The following PAPPA2 variants were observed in gnomAD, a reference collection of about 807,000 sequenced individuals.
The protein encoded by PAPPA2 is pappalysin 2, also known as pappalysin-2.
In PAPPA2, 86 loss-of-function variants were observed where a neutral mutation model predicts 176.4. The ratio of observed to expected loss-of-function variants is 0.49; its 90% confidence interval spans 0.41 to 0.58. The LOEUF (loss-of-function observed/expected upper bound fraction) is 0.58. Ranked by LOEUF, PAPPA2 falls within the 20% of genes least tolerant of loss-of-function variation. The pLI is 0.00. For missense variants in PAPPA2, 2,073 were observed against 2,256.9 expected, an observed-to-expected ratio of 0.92 and a Z score of 1.65; for synonymous variants, 809 against 852.2, an observed-to-expected ratio of 0.95 and a Z score of 0.88.
At chr1:176,787,500 T>G (rs1462523317) in intron 17 of PAPPA2, among the ~76,000 whole-genome samples, 1 of 152,122 alleles carries the variant, frequency 6.6e-6, no homozygotes, top group East Asian at 1.9e-4. Context: ...CTTCTCAAAG[T>G]GCTGGGATTA....
chr1:176,578,409 A>T (rs568993807), intron 2 of PAPPA2, among the ~76,000 whole-genome samples: 18 of 152,280 alleles, frequency 1.2e-4, no homozygotes, highest in African/African-American at 4.1e-4. Flanking sequence ...TTGCAAGGTT[A>T]CTAGGGTTCC....
At chr1:176,620,276 A>AT (rs199660598) in intron 3 of PAPPA2, among the ~76,000 whole-genome samples, 25 of 150,586 alleles carry the variant, frequency 1.7e-4, no homozygotes, top group African/African-American at 5.1e-4. Flanking sequence ...CAATATATAC[A>AT]TTTTTTTTTC....
chr1:176,539,917 A>G (rs1391931510), intron 1 of PAPPA2, among the ~76,000 whole-genome samples: 1 of 152,232 alleles, frequency 6.6e-6, no homozygotes, highest in East Asian at 1.9e-4. Flanking sequence ...AGGATCAGTT[A>G]GCCATTTGCT....
intron 14 of PAPPA2, among the ~76,000 whole-genome samples, chr1:176,740,597 A>G (rs566470837): frequency 2.0e-5 from 3 of 152,278 alleles, no homozygotes; most frequent in African/African-American, 4.8e-5. Context: ...CAAGTTTAAC[A>G]ATTGCTTGCT....
At chr1:176,824,855 T>C (rs1666796171) in intron 21 of PAPPA2, among the ~76,000 whole-genome samples, 1 of 152,138 alleles carries the variant, frequency 6.6e-6, no homozygotes, top group Admixed American at 6.6e-5. Context: ...AATATTAAAC[T>C]TGGTGATGCA....
intron 1 of PAPPA2, among the ~76,000 whole-genome samples, chr1:176,515,020 A>G (rs1016894638): frequency 6.6e-6 from 1 of 152,212 alleles, no homozygotes; most frequent in African/African-American, 2.4e-5. Context: ...CTTGCTGCTA[A>G]TCTTGCTTTG....
At chr1:176,616,713 G>A in intron 3 of PAPPA2, 3 of 1,446,158 alleles carry the variant, frequency 2.1e-6, no homozygotes, top group Non-Finnish European at 2.9e-6. Context: ...GGTCACATTG[G>A]TTGGATTGTG....
chr1:176,560,900 G>A (rs1651629033), intron 2 of PAPPA2, among the ~76,000 whole-genome samples: 1 of 152,204 alleles, frequency 6.6e-6, no homozygotes, highest in Non-Finnish European at 1.5e-5. Context: ...TAAGTCCATG[G>A]CAGAATTGGA....
chr1:176,551,040 T>C (rs1375095121), intron 1 of PAPPA2, among the ~76,000 whole-genome samples: 7 of 152,310 alleles, frequency 4.6e-5, no homozygotes, highest in Admixed American at 4.6e-4. Flanking sequence ...CCTGATGCTA[T>C]GTCTGGCCCT....
In PAPPA2 at chr1:176,747,496, C is replaced by T. The variant is rs552920545; in HGVS notation, c.4151+7300C>T. On this transcript the variant is annotated intron_variant, in intron 14 of 22. Coordinates refer to ENST00000367662, the MANE Select transcript of PAPPA2 (RefSeq NM_020318.3). ...ACCCAGCTCCTATGGGGTCCTAGCC[C>T]AGACCAAAAAAATAAAAAAATAAAA... Among the ~76,000 whole-genome samples the T allele has an allele frequency of 4.6e-5, 7 of 151,332 alleles. No individual in the cohort carries two copies. The South Asian group carries it at 1.5e-3, about 32-fold the overall frequency.
chr1:176,696,190 G>C (rs767587841), intron 7 of PAPPA2, among the ~76,000 whole-genome samples: 2 of 151,788 alleles, frequency 1.3e-5, no homozygotes, highest in African/African-American at 4.8e-5. Context: ...GTAGTGTTAC[G>C]TGTGCCTACT....
intron 3 of PAPPA2, among the ~76,000 whole-genome samples, chr1:176,600,246 T>C (rs1573105721): frequency 6.6e-6 from 1 of 152,144 alleles, no homozygotes; most frequent in Admixed American, 6.5e-5. Flanking sequence ...CTTTTCTTTG[T>C]CATGGTTTAG....
intron 14 of PAPPA2, among the ~76,000 whole-genome samples, chr1:176,746,467 C>T (rs1370967243): frequency 2.6e-5 from 4 of 152,024 alleles, no homozygotes; most frequent in Admixed American, 1.3e-4. Flanking sequence ...AGTGCAGTGG[C>T]TCGATCTTGG....
chr1:176,779,511 CACACACACAGAGAGAG>C (rs1664617104), intron 17 of PAPPA2, among the ~76,000 whole-genome samples: 1 of 148,788 alleles, frequency 6.7e-6, no homozygotes, highest in Non-Finnish European at 1.5e-5. Flanking sequence ...CACACACACA[CACACACACAGAGAGAG>C]AGAGAGAGAG....
chr1:176,504,462 A>T (rs913788309), intron 1 of PAPPA2, among the ~76,000 whole-genome samples: 3 of 152,076 alleles, frequency 2.0e-5, no homozygotes, highest in African/African-American at 7.2e-5. Flanking sequence ...TCACTTAACT[A>T]TATTTTCATG....
chr1:176,535,654 C>T (rs1650032412), intron 1 of PAPPA2, among the ~76,000 whole-genome samples: 1 of 152,108 alleles, frequency 6.6e-6, no homozygotes. Context: ...TCTATAGCAG[C>T]TATGAGAATG....
intron 4 of PAPPA2, 118 bp from the exon 5 acceptor site, chr1:176,690,019 A>G: frequency 3.2e-6 from 3 of 937,176 alleles, no homozygotes; most frequent in Non-Finnish European, 4.9e-6. Context: ...ACCAGAAGTT[A>G]TAAAGTGACT....
intron 4 of PAPPA2, among the ~76,000 whole-genome samples, chr1:176,680,384 A>G (rs571952975): frequency 2.6e-5 from 4 of 152,112 alleles, no homozygotes; most frequent in Admixed American, 2.6e-4. Flanking sequence ...TGTAACATAT[A>G]CATATATTTT....
intron 1 of PAPPA2, among the ~76,000 whole-genome samples, chr1:176,545,646 G>A (rs890005923): frequency 6.6e-6 from 1 of 152,188 alleles, no homozygotes; most frequent in African/African-American, 2.4e-5. Flanking sequence ...TTATATAAGG[G>A]ACTTGAGCAT....
Sources: gnomAD v4.1 joint callset for allele counts (sites outside exome capture counted in the v4.1 genomes callset) on GRCh38, gnomAD v4.1.1 for gene constraint, MANE v1.5 for transcripts, NCBI Gene and HGNC (gene_info 2026-07-23, HGNC 2026-07-21) for gene names.